AFF2: variants seen among roughly 807,000 people sequenced by gnomAD.
AFF2 encodes AF4/FMR2 family member 2.
In AFF2, 14 loss-of-function variants were observed where a neutral mutation model predicts 76.9. The observed-to-expected ratio is 0.18, with a 90% CI of 0.12 to 0.28. The LOEUF is 0.28. Among genes scored for constraint, AFF2 ranks in the 10% least tolerant of loss-of-function variants. The pLI is 1.00. For synonymous variants in AFF2, 398 were observed against 366.7 expected (o/e 1.09, Z -0.98); for missense variants, 868 against 1,001.1 (o/e 0.87, Z 1.79).
chrX:148,834,504 GATGTGT>G (rs1456600019), intron 4 of AFF2, among the ~76,000 whole-genome samples: 1 of 67,646 alleles, frequency 1.5e-5, no homozygotes, highest in East Asian at 5.3e-4. Flanking sequence ...ACCAGTCTCA[GATGTGT>G]GTGTGTGTGT....
chrX:148,878,965 G>C (rs1250330661), intron 7 of AFF2, among the ~76,000 whole-genome samples: 1 of 112,144 alleles, frequency 8.9e-6, no homozygotes, highest in Non-Finnish European at 1.9e-5. Flanking sequence ...CCAAAATAGT[G>C]ACAGTAGAGC....
chrX:148,978,178 A>G (rs1353581804), intron 17 of AFF2, among the ~76,000 whole-genome samples, 174 bp downstream of exon 17: 1 of 112,634 alleles, frequency 8.9e-6, no homozygotes, highest in East Asian at 2.8e-4. Context: ...CTCCTAACTT[A>G]TACCCTTATC....
intron 1 of AFF2, among the ~76,000 whole-genome samples, chrX:148,543,740 C>G: frequency 8.9e-6 from 1 of 112,109 alleles, no homozygotes; most frequent in Non-Finnish European, 1.9e-5. Flanking sequence ...TACAGCATCT[C>G]TTGATAAACA....
chrX:148,952,827 G>T (rs1316826044), intron 9 of AFF2, among the ~76,000 whole-genome samples: 1 of 111,846 alleles, frequency 8.9e-6, no homozygotes, highest in African/African-American at 3.3e-5. Context: ...TTACAAAGAG[G>T]TTATAAAAAG....
intron 3 of AFF2, among the ~76,000 whole-genome samples, chrX:148,758,489 T>G (rs2069401690): frequency 8.9e-6 from 1 of 111,927 alleles, no homozygotes; most frequent in African/African-American, 3.2e-5. Context: ...ACCCATAATT[T>G]CATGAATAAG....
intron 1 of AFF2, among the ~76,000 whole-genome samples, chrX:148,574,155 A>AT (rs1189712676): frequency 1.6e-4 from 18 of 111,219 alleles, no homozygotes; most frequent in Admixed American, 1.4e-3. Context: ...TAACAACTAA[A>AT]TTTTTTTTAT....
intron 9 of AFF2, among the ~76,000 whole-genome samples, chrX:148,952,863 G>A (rs1290391066): frequency 3.6e-5 from 4 of 111,636 alleles, no homozygotes; most frequent in Non-Finnish European, 7.5e-5. Flanking sequence ...CTAGAAGTGT[G>A]TTGTCTCATT....
At chrX:148,549,272 G>A (rs1308913185) in intron 1 of AFF2, among the ~76,000 whole-genome samples, 1 of 112,243 alleles carries the variant, frequency 8.9e-6, no homozygotes, top group Non-Finnish European at 1.9e-5. Context: ...AGCAAATTCT[G>A]AACACATATT....
At chrX:148,578,779 T>C (rs1233393618) in intron 1 of AFF2, among the ~76,000 whole-genome samples, 1 of 112,102 alleles carries the variant, frequency 8.9e-6, no homozygotes, top group Admixed American at 9.5e-5. Context: ...TATTTGAATA[T>C]GGACTGTGAA....
intron 15 of AFF2, among the ~76,000 whole-genome samples, chrX:148,968,171 C>A (rs2072204451): frequency 9.0e-6 from 1 of 110,985 alleles, no homozygotes; most frequent in Non-Finnish European, 1.9e-5. Flanking sequence ...GAGTGAGCCC[C>A]ACAGTTAGGC....
At position 148,973,547 on chromosome X, in the gene AFF2, G is replaced by A. The variant is rs1359721857; in HGVS notation, c.3344G>A (p.Arg1115His). ...SFTECGNAME[R>H]DPLEAKSPYT... ...ACTGAATGTGGCAATGCCATGGAAC[G>A]CGACCCTCTGGAAGCAAAGTCCCCA... The change falls in exon 16 of 21, where the codon CGC (arginine) becomes CAC (histidine). Residue 1115 changes from arginine to histidine, a missense_variant. Around this residue, in one of 6 missense-constraint regions of AFF2, gnomAD observed 57 missense variants for 117.8 expected, o/e 0.48. Coordinates refer to ENST00000370460, the MANE Select transcript of AFF2 (RefSeq NM_002025.4). 6 of 1,211,424 alleles carry A rather than the reference G, an allele frequency of 5.0e-6. No homozygotes were observed. Among genetic ancestry groups the A allele is most frequent in the East Asian group, 3.0e-5 (1 of 33,850 alleles).
chrX:148,927,008 C>CT (rs782388679), intron 9 of AFF2, among the ~76,000 whole-genome samples: 1 of 112,264 alleles, frequency 8.9e-6, no homozygotes, highest in Non-Finnish European at 1.9e-5. Context: ...GCGTCACTTT[C>CT]TCTAGTGATT....
intron 3 of AFF2, among the ~76,000 whole-genome samples, chrX:148,711,717 T>C (rs967296508): frequency 2.7e-5 from 3 of 112,233 alleles, no homozygotes; most frequent in East Asian, 2.8e-4. Context: ...CCAATATATT[T>C]CTTTTATTGA....
At chrX:148,701,012 ATGTGTGTGTG>A (rs10675200) in intron 3 of AFF2, among the ~76,000 whole-genome samples, 2 of 73,743 alleles carry the variant, frequency 2.7e-5, no homozygotes, top group African/African-American at 5.8e-5. Context: ...GAGAGAGAGA[ATGTGTGTGTG>A]TGTGTGTGTG....
Position 148,652,038 on chromosome X carries a change from A to G in AFF2, c.87A>G (p.Glu29=). ...EQDRSALKKR[E]WERRNQEVQQ... ...ACCGTAGTGCACTTAAAAAAAGGGAATGGGAGCGGAGGAATCAAGAAGTCC... is the reference window on the plus strand; with the variant it reads ...ACCGTAGTGCACTTAAAAAAAGGGAGTGGGAGCGGAGGAATCAAGAAGTCC... The change falls in exon 2 of 21, where the codon GAA becomes GAG. Residue 29 remains glutamate, a synonymous_variant. Transcript: ENST00000370460. The G allele has an allele frequency of 1.7e-6, 2 of 1,203,763 alleles. No homozygotes were observed. Among genetic ancestry groups the G allele is most frequent in the Non-Finnish European group, 1.1e-6 (1 of 889,081 alleles).
At chrX:148,765,762 G>C in intron 3 of AFF2, among the ~76,000 whole-genome samples, 1 of 108,909 alleles carries the variant, frequency 9.2e-6, no homozygotes, top group Admixed American at 9.8e-5. Context: ...GTGCAGGTTA[G>C]TTACATATGT....
Position 148,582,113 on chromosome X carries a change from G to C in AFF2, c.48-69886G>C, listed in dbSNP as rs187852358. Among the ~76,000 whole-genome samples the C allele has an allele frequency of 2.5e-3, 278 of 111,496 alleles. 1 individual carries two copies. The highest frequency in any genetic ancestry group is 8.9e-3 in the African/African-American group (273 of 30,668). On this transcript the variant is annotated intron_variant, in intron 1 of 20. Transcript: ENST00000370460. ...GTCTTTGTTAGTTTTCTAGTGATTA[G>C]AGTCGTATTATGTACTACTGGCAGG...
rs187977124 is a variant in AFF2, at chrX:148,931,973, C to T, written c.1398-21607C>T. Among the ~76,000 whole-genome samples, 166 of 112,010 alleles carry T rather than the reference C, an allele frequency of 1.5e-3. 1 individual carries two copies. The highest frequency in any genetic ancestry group is 5.3e-3 in the African/African-American group (165 of 30,887). On this transcript the variant is annotated intron_variant, in intron 9 of 20. Coordinates refer to ENST00000370460, the MANE Select transcript of AFF2 (RefSeq NM_002025.4). Reference sequence around the variant, plus strand: ...TAGGCTAACGTCATCCTCAGTATGGCAGATATGTAGTAGACTCCACTGGGA... The same window carrying T: ...TAGGCTAACGTCATCCTCAGTATGGTAGATATGTAGTAGACTCCACTGGGA...
At chrX:148,931,726 A>T (rs2071715761) in intron 9 of AFF2, among the ~76,000 whole-genome samples, 1 of 111,612 alleles carries the variant, frequency 9.0e-6, no homozygotes, top group Non-Finnish European at 1.9e-5. Context: ...TCTTTCTGAA[A>T]ATGCATTGGG....
Sources: gnomAD v4.1 joint callset for allele counts (sites outside exome capture counted in the v4.1 genomes callset) on GRCh38, gnomAD v4.1.1 for gene constraint, gnomAD v4.1.1 regional missense constraint, MANE v1.5 for transcripts, NCBI Gene and HGNC (gene_info 2026-07-23, HGNC 2026-07-21) for gene names.